Variants in SGPP2 observed in about 807,000 individuals in gnomAD.
The protein encoded by SGPP2 is sphingosine-1-phosphate phosphatase 2.
SGPP2 carries 30 observed loss-of-function variants against 33.9 expected under a neutral mutation model. The observed-to-expected ratio is 0.89, with a 90% CI of 0.66 to 1.20. SGPP2 has a LOEUF of 1.20. SGPP2 is among the 50% of genes most tolerant of loss of function. The pLI, the probability that SGPP2 is intolerant of heterozygous loss-of-function variation, is 0.00. For synonymous variants in SGPP2, 233 were observed against 225.0 expected (o/e 1.04, Z -0.32); for missense variants, 458 against 532.1 (o/e 0.86, Z 1.37).
At chr2:222,515,594 G>A (rs1469089605) in intron 2 of SGPP2, among the ~76,000 whole-genome samples, 1 of 151,950 alleles carries the variant, frequency 6.6e-6, no homozygotes, top group Non-Finnish European at 1.5e-5. Context: ...CTCCCAAAGT[G>A]CTGGGATTAC....
At chr2:222,503,141 C>T (rs1865895) in intron 2 of SGPP2, among the ~76,000 whole-genome samples, 136,131 of 152,180 alleles carry the variant, frequency 0.89, 61,331 homozygotes, top group East Asian at 1. Flanking sequence ...ATGTTCCTGA[C>T]AAAAAGATCT....
intron 2 of SGPP2, among the ~76,000 whole-genome samples, chr2:222,520,945 A>T (rs1358394359): frequency 6.6e-6 from 1 of 151,982 alleles, no homozygotes; most frequent in Non-Finnish European, 1.5e-5. Flanking sequence ...TTTTTTGTAG[A>T]GACAGGGTCT....
At chr2:222,431,262 C>T (rs758701031) in intron 1 of SGPP2, among the ~76,000 whole-genome samples, 5 of 151,728 alleles carry the variant, frequency 3.3e-5, no homozygotes, top group East Asian at 1.9e-4. Context: ...CGCAGCATTT[C>T]GGGAGGCCAA....
chr2:222,482,758 A>T (rs1189289332), intron 2 of SGPP2, among the ~76,000 whole-genome samples: 2 of 152,216 alleles, frequency 1.3e-5, no homozygotes, highest in Non-Finnish European at 2.9e-5. Context: ...TCTCTGGCCA[A>T]TGCATAGATT....
intron 4 of SGPP2, among the ~76,000 whole-genome samples, chr2:222,542,529 G>C (rs1699013608): frequency 6.6e-6 from 1 of 152,132 alleles, no homozygotes. Flanking sequence ...CTCACCAATA[G>C]TGACTAAGAT....
chr2:222,429,295 A>G (rs920650280), intron 1 of SGPP2, among the ~76,000 whole-genome samples: 2 of 152,182 alleles, frequency 1.3e-5, no homozygotes, highest in Admixed American at 1.3e-4. Flanking sequence ...CACCCTTAGT[A>G]TATTCAGTAG....
intron 1 of SGPP2, among the ~76,000 whole-genome samples, chr2:222,430,754 A>G (rs1476907419): frequency 2.0e-5 from 3 of 152,244 alleles, no homozygotes; most frequent in Admixed American, 6.5e-5. Context: ...ATCAAGGTCA[A>G]CATCACCAGT....
chr2:222,536,653 C>T (rs1029768947), intron 4 of SGPP2, among the ~76,000 whole-genome samples: 4 of 151,834 alleles, frequency 2.6e-5, no homozygotes, highest in African/African-American at 9.7e-5. Context: ...GCACTCCTGC[C>T]TGGGGGATAG....
intron 1 of SGPP2, among the ~76,000 whole-genome samples, chr2:222,467,950 GAAAAAAAAAAAAAAAAAAAAAAA>G (rs61253653): frequency 0.01 from 259 of 24,872 alleles, 6 homozygotes; most frequent in African/African-American, 0.015. Context: ...GCTCTAATCT[GAAAAAAAAAAAAAAAAAAAAAAA>G]AAAAAAAAAA....
At chr2:222,519,228 C>A (rs1698648739) in intron 2 of SGPP2, among the ~76,000 whole-genome samples, 2 of 152,176 alleles carry the variant, frequency 1.3e-5, no homozygotes, top group African/African-American at 4.8e-5. Context: ...TTCTTAAATT[C>A]CCCTGTGCAC....
chr2:222,558,389 C>T lies in SGPP2; in HGVS notation c.691C>T (p.Leu231Phe). Residue 231 changes from leucine to phenylalanine, a missense_variant, in exon 5 of 5, where the codon CTC becomes TTC. Leu to Phe is a conservative substitution (Grantham distance 22, BLOSUM62 0). Transcript: ENST00000321276. Reference sequence around the variant, plus strand: ...CCTGATCACCGCACTCCTCATCGTCCTCACCTACCCTGCCTGGACCTTCAT... The same window carrying T: ...CCTGATCACCGCACTCCTCATCGTCTTCACCTACCCTGCCTGGACCTTCAT... The part of the protein sequence containing the change: ...GVLITALLIV[L>F]TYPAWTFIDC... 1.2e-6 allele frequency: 2 copies of T among 1,614,202 alleles called. No homozygotes were observed. Among genetic ancestry groups the T allele is most frequent in the Middle Eastern group, 3.3e-4 (2 of 6,062 alleles).
intron 1 of SGPP2, among the ~76,000 whole-genome samples, chr2:222,451,204 T>C (rs2106075759): frequency 6.6e-6 from 1 of 150,856 alleles, no homozygotes; most frequent in East Asian, 1.9e-4. Flanking sequence ...AAAACCAAAC[T>C]TTCCAGAAAC....
At chr2:222,541,152 A>T (rs1263716339) in intron 4 of SGPP2, among the ~76,000 whole-genome samples, 1 of 152,166 alleles carries the variant, frequency 6.6e-6, no homozygotes, top group Non-Finnish European at 1.5e-5. Context: ...AATGTAATAG[A>T]GTGTCTTGGA....
chr2:222,435,741 T>C (rs1280917050), intron 1 of SGPP2, among the ~76,000 whole-genome samples: 1 of 152,228 alleles, frequency 6.6e-6, no homozygotes, highest in Non-Finnish European at 1.5e-5. Context: ...TACAAGTGTA[T>C]ACGTGCACAA....
At chr2:222,556,608 C>A (rs1438536700) in intron 4 of SGPP2, among the ~76,000 whole-genome samples, 4 of 97,570 alleles carry the variant, frequency 4.1e-5, no homozygotes, top group Non-Finnish European at 4.2e-5. Flanking sequence ...CCTCCCCCAT[C>A]CCCCCTCACT....
intron 2 of SGPP2, chr2:222,498,441 G>A (rs1698316208): frequency 1.3e-5 from 2 of 151,962 alleles, no homozygotes; most frequent in Admixed American, 1.3e-4. Flanking sequence ...AAGCCAACAT[G>A]GTCTCCCGGC....
At chr2:222,472,338 C>CA (rs371211138) in intron 1 of SGPP2, among the ~76,000 whole-genome samples, 7 of 152,064 alleles carry the variant, frequency 4.6e-5, no homozygotes, top group African/African-American at 1.7e-4. Context: ...ATGCAGGGCC[C>CA]ACTAGCCAAG....
At chr2:222,452,910 A>C (rs1197038297) in intron 1 of SGPP2, 5 of 1,593,634 alleles carry the variant, frequency 3.1e-6, no homozygotes, top group Non-Finnish European at 4.3e-6. Flanking sequence ...GCTAAGGTTC[A>C]GGATATTGGA....
chr2:222,461,188 T>G (rs1320203120), intron 1 of SGPP2, among the ~76,000 whole-genome samples: 1 of 152,268 alleles, frequency 6.6e-6, no homozygotes, highest in Non-Finnish European at 1.5e-5. Flanking sequence ...ACACATGCTG[T>G]GTGCCTGATG....
Sources: gnomAD v4.1 joint callset for allele counts (sites outside exome capture counted in the v4.1 genomes callset) on GRCh38, gnomAD v4.1.1 for gene constraint, MANE v1.5 for transcripts, NCBI Gene and HGNC (gene_info 2026-07-23, HGNC 2026-07-21) for gene names.